CYFIP1: variants seen among roughly 807,000 people sequenced by gnomAD.
The protein encoded by CYFIP1 is cytoplasmic FMR1-interacting protein 1.
CYFIP1 carries 58 observed loss-of-function variants against 163.5 expected under a neutral mutation model. That is an observed-to-expected ratio of 0.35 (90% CI 0.29 to 0.44). CYFIP1 has a LOEUF of 0.44. Among genes scored for constraint, CYFIP1 ranks in the 20% least tolerant of loss-of-function variants. CYFIP1 has a pLI of 1.00. For missense variants in CYFIP1, 1,338 were observed against 1,653.8 expected (o/e 0.81, Z 3.31); for synonymous variants, 663 against 660.7 (o/e 1.00, Z -0.05).
intron 22 of CYFIP1, among the ~76,000 whole-genome samples, chr15:22,903,321 A>G (rs1221976250): frequency 6.6e-6 from 1 of 151,874 alleles, no homozygotes; most frequent in Non-Finnish European, 1.5e-5. Flanking sequence ...GGATACTGCC[A>G]GCATCCACCG....
chr15:22,960,005 A>G (rs1467858575), intron 1 of CYFIP1, among the ~76,000 whole-genome samples: 2 of 152,216 alleles, frequency 1.3e-5, no homozygotes, highest in Non-Finnish European at 2.9e-5. Context: ...AGGGTCTGGC[A>G]TAGCCCAGTA....
At chr15:22,953,648 C>A (rs1355356618) in intron 1 of CYFIP1, among the ~76,000 whole-genome samples, 2 of 152,198 alleles carry the variant, frequency 1.3e-5, no homozygotes, top group African/African-American at 4.8e-5. Flanking sequence ...ATCTGACCAG[C>A]CTTTATAAGT....
At chr15:22,875,151 C>T (rs568961813) in intron 27 of CYFIP1, 48 bp downstream of exon 27, 2 of 1,562,096 alleles carry the variant, frequency 1.3e-6, no homozygotes, top group South Asian at 1.1e-5. Context: ...TGGGCACCAC[C>T]CCCACAGAGG....
In CYFIP1 at chr15:22,909,277, T is replaced by C; in HGVS notation, c.2305A>G (p.Thr769Ala). 6.2e-7 allele frequency: 1 copy of C among 1,614,168 alleles called. No individual in the cohort carries two copies. The highest frequency in any genetic ancestry group is 8.5e-7 in the Non-Finnish European group (1 of 1,180,010). Residue 769 changes from threonine (T) to alanine (A), a missense_variant, in exon 21 of 31, where the codon ACC (threonine) becomes GCC (alanine). Thr to Ala is a moderately conservative substitution (Grantham distance 58). Transcript: ENST00000617928. ...GRSIDLNRLITQRVSAAMYKS... is the reference protein window; with the variant it reads ...GRSIDLNRLIAQRVSAAMYKS... ...TACATGGCTGCTGAGACGCGCTGGG[T>C]GATCAGACGATTGAGGTCTATTGAT...
At chr15:22,971,877 T>G (rs2063107681) in intron 1 of CYFIP1, among the ~76,000 whole-genome samples, 1 of 151,276 alleles carries the variant, frequency 6.6e-6, no homozygotes, top group Admixed American at 6.6e-5. Flanking sequence ...TCTCAAAAAA[T>G]AAATAAACAA....
chr15:22,904,038 G>A lies in CYFIP1; in HGVS notation c.2389-133C>T, dbSNP rs1595558626. On this transcript the variant is annotated intron_variant, in intron 21 of 30. Transcript: ENST00000617928. ...CGGAGGCAGCCCCCAGTGAGCGTAGGCTCTGACAGGTGACATGAGCTTGCT... is the reference window on the plus strand; with the variant it reads ...CGGAGGCAGCCCCCAGTGAGCGTAGACTCTGACAGGTGACATGAGCTTGCT... 3.9e-6 allele frequency: 3 copies of A among 768,834 alleles called. No homozygotes were observed. The East Asian group carries it at 8.1e-5, about 21-fold the overall frequency. The allele number at this position is 768,834 out of a possible 1,614,324, so 47.6% of individuals were successfully genotyped here.
chr15:22,901,751 G>T (rs1386198084), intron 22 of CYFIP1, among the ~76,000 whole-genome samples: 1 of 152,244 alleles, frequency 6.6e-6, no homozygotes, highest in Non-Finnish European at 1.5e-5. Flanking sequence ...CCTCAGGCAT[G>T]GGACTAAAAT....
intron 13 of CYFIP1, among the ~76,000 whole-genome samples, chr15:22,923,370 T>C (rs941865213): frequency 6.6e-6 from 1 of 152,116 alleles, no homozygotes; most frequent in Admixed American, 6.5e-5. Flanking sequence ...ACGTTTAACA[T>C]CCTTAGTTGT....
intron 23 of CYFIP1, among the ~76,000 whole-genome samples, chr15:22,884,048 G>A (rs971997752): frequency 6.6e-6 from 1 of 152,090 alleles, no homozygotes; most frequent in Non-Finnish European, 1.5e-5. Context: ...CTGCCCCCAT[G>A]AACCAGTCAA....
chr15:22,966,742 C>T (rs1233013891), intron 1 of CYFIP1, among the ~76,000 whole-genome samples: 4 of 152,020 alleles, frequency 2.6e-5, no homozygotes, highest in Non-Finnish European at 5.9e-5. Flanking sequence ...GACAGCCCAC[C>T]GAGACCCTCG....
chr15:22,964,710 G>A (rs762810437), intron 1 of CYFIP1, among the ~76,000 whole-genome samples: 5 of 152,208 alleles, frequency 3.3e-5, no homozygotes, highest in Non-Finnish European at 7.3e-5. Context: ...GCCTTGGGCT[G>A]TCTGAGCTCA....
intron 9 of CYFIP1, among the ~76,000 whole-genome samples, chr15:22,936,743 A>G (rs1002079409): frequency 1.4e-4 from 21 of 152,216 alleles, no homozygotes; most frequent in African/African-American, 4.8e-4. Context: ...ATTGGAACGG[A>G]TAAGTTACGG....
rs959355026 is a variant in CYFIP1, at chr15:22,917,007, G to A, written c.1675-377C>T. 1.7e-5 allele frequency: 27 copies of A among 1,549,918 alleles called. No individual in the cohort carries two copies. Among genetic ancestry groups the A allele is most frequent in the Non-Finnish European group, 2.4e-5 (27 of 1,146,246 alleles). ...CAGCTCGGCAGAGCCCAAGGACTCG[G>A]CCATGGTGCGCACCAGGTAGAGCTA... On this transcript the variant is annotated intron_variant, in intron 15 of 30. Coordinates refer to ENST00000617928, the MANE Select transcript of CYFIP1 (RefSeq NM_014608.6). The surrounding 1 kb of genome is among the most constrained non-coding windows in gnomAD (Gnocchi z 4.2).
chr15:22,908,393 T>A (rs1376043192), intron 21 of CYFIP1, among the ~76,000 whole-genome samples: 1 of 151,802 alleles, frequency 6.6e-6, no homozygotes, highest in Non-Finnish European at 1.5e-5. Flanking sequence ...AAGGTCCAGA[T>A]AACAGGAGAA....
chr15:22,947,439 A>T, intron 1 of CYFIP1, 148 bp from the exon 2 acceptor site: 1 of 1,130,834 alleles, frequency 8.8e-7, no homozygotes, highest in Non-Finnish European at 1.2e-6. Context: ...AGTCCTTGGG[A>T]GTTGCGTGTC....
At chr15:22,980,096 C>T (rs553551156) in intron 1 of CYFIP1, among the ~76,000 whole-genome samples, 191 bp downstream of exon 1, 1 of 127,792 alleles carries the variant, frequency 7.8e-6, no homozygotes, top group Admixed American at 1.0e-4. Flanking sequence ...GAGCCCGGGG[C>T]CGGGACCTGG....
chr15:22,931,686 G>GAAAAAAAAAAAAAAAAAA (rs766177290), intron 11 of CYFIP1, among the ~76,000 whole-genome samples: 2 of 39,720 alleles, frequency 5.0e-5, no homozygotes, highest in Admixed American at 4.4e-4. Flanking sequence ...ATGTTTTTCT[G>GAAAAAAAAAAAAAAAAAA]AAAAAAAAAA....
In CYFIP1 at chr15:22,898,927, G is replaced by A. The variant is rs182583247; in HGVS notation, c.2588+4779C>T. Among the ~76,000 whole-genome samples the A allele has an allele frequency of 4.8e-4, 73 of 152,066 alleles. No individual in the cohort carries two copies. In the East Asian group the frequency reaches 7.9e-3, roughly 17 times the overall value. On this transcript the variant is annotated intron_variant, in intron 22 of 30. Coordinates refer to ENST00000617928, the MANE Select transcript of CYFIP1 (RefSeq NM_014608.6). ...TAAGGCAGGGGAATTGCTTGAATCCGGGAGGCAGAGGTTGCAGTGAGCCGA... is the reference window on the plus strand; with the variant it reads ...TAAGGCAGGGGAATTGCTTGAATCCAGGAGGCAGAGGTTGCAGTGAGCCGA...
chr15:22,938,923 TAAAAAAAA>T (rs56169420), intron 8 of CYFIP1, among the ~76,000 whole-genome samples: 3 of 74,380 alleles, frequency 4.0e-5, no homozygotes, highest in Non-Finnish European at 7.8e-5. Flanking sequence ...AAAAGCAGCT[TAAAAAAAA>T]AAAAAAAAAA....
Sources: allele counts gnomAD v4.1 joint callset (sites outside exome capture counted in the v4.1 genomes callset), GRCh38; gene constraint gnomAD v4.1.1; non-coding constraint Gnocchi (gnomAD v3.1); transcripts MANE v1.5; gene names NCBI Gene and HGNC (gene_info 2026-07-23, HGNC 2026-07-21).